PTPRG: variants seen among roughly 807,000 people sequenced by gnomAD.
PTPRG encodes receptor-type tyrosine-protein phosphatase gamma.
Under a neutral mutation model 165.3 loss-of-function variants are expected in PTPRG, and 102 were observed. The ratio of observed to expected loss-of-function variants is 0.62; its 90% confidence interval spans 0.53 to 0.73. The LOEUF (loss-of-function observed/expected upper bound fraction) is 0.73. Ranked by LOEUF, PTPRG falls within the 30% of genes least tolerant of loss-of-function variation. PTPRG has a pLI of 0.00. For missense variants in PTPRG, 1,866 were observed against 1,861.4 expected (o/e 1.00, Z -0.05); for synonymous variants, 675 against 669.5 (o/e 1.01, Z -0.13).
chr3:61,847,757 A>G (rs2036845874), intron 2 of PTPRG, among the ~76,000 whole-genome samples: 1 of 152,226 alleles, frequency 6.6e-6, no homozygotes, highest in South Asian at 2.1e-4. Flanking sequence ...GAAAAAAAAA[A>G]TCTCTGCCTT....
intron 2 of PTPRG, among the ~76,000 whole-genome samples, chr3:61,819,315 C>G (rs2035886518): frequency 6.6e-6 from 1 of 152,138 alleles, no homozygotes; most frequent in Non-Finnish European, 1.5e-5. Context: ...CAGATAACCT[C>G]AAAGCTTGAG....
At chr3:62,021,093 A>G (rs746435190) in intron 4 of PTPRG, among the ~76,000 whole-genome samples, 5 of 151,830 alleles carry the variant, frequency 3.3e-5, no homozygotes, top group Non-Finnish European at 5.9e-5. Flanking sequence ...TTGTTCCCTC[A>G]TCAGTAAAAT....
intron 4 of PTPRG, among the ~76,000 whole-genome samples, chr3:62,066,772 G>C (rs946027912): frequency 6.6e-6 from 1 of 152,198 alleles, no homozygotes; most frequent in Non-Finnish European, 1.5e-5. Flanking sequence ...GGGCGCGGTG[G>C]CTCATGCCTG....
intron 1 of PTPRG, among the ~76,000 whole-genome samples, chr3:61,719,435 G>T (rs543204605): frequency 1.3e-5 from 2 of 152,218 alleles, no homozygotes; most frequent in Admixed American, 1.3e-4. Flanking sequence ...CAGGGGATGT[G>T]CCCCTCCTCT....
At chr3:62,094,563 G>A (rs772688413) in intron 5 of PTPRG, among the ~76,000 whole-genome samples, 1 of 152,050 alleles carries the variant, frequency 6.6e-6, no homozygotes, top group Admixed American at 6.6e-5. Context: ...GGTTGTTGAC[G>A]GTTATTGCCA....
chr3:61,978,233 T>C (rs2040554713), intron 2 of PTPRG, among the ~76,000 whole-genome samples: 1 of 152,220 alleles, frequency 6.6e-6, no homozygotes, highest in South Asian at 2.1e-4. Context: ...GCAAATGTGT[T>C]TTGCTGGTCA....
At chr3:61,590,206 AT>A (rs1700532832) in intron 1 of PTPRG, among the ~76,000 whole-genome samples, 2 of 128,328 alleles carry the variant, frequency 1.6e-5, no homozygotes, top group South Asian at 2.6e-4. Context: ...GTTGGCATTT[AT>A]TTTTTTCTTT....
intron 1 of PTPRG, among the ~76,000 whole-genome samples, chr3:61,592,973 C>T (rs1700610320): frequency 6.6e-6 from 1 of 152,146 alleles, no homozygotes; most frequent in Non-Finnish European, 1.5e-5. Context: ...TAGGTGCTGA[C>T]TGGGCCTAGG....
intron 1 of PTPRG, among the ~76,000 whole-genome samples, chr3:61,685,560 A>T (rs1703597236): frequency 6.6e-6 from 1 of 152,048 alleles, no homozygotes; most frequent in South Asian, 2.1e-4. Flanking sequence ...AGTACCCCTG[A>T]CTCCTTGCAG....
At chr3:61,674,190 A>G (rs542126627) in intron 1 of PTPRG, among the ~76,000 whole-genome samples, 1 of 152,114 alleles carries the variant, frequency 6.6e-6, no homozygotes, top group African/African-American at 2.4e-5. Context: ...TAATAAAAAA[A>G]AAAAAGAAAC....
chr3:62,173,577 C>G (rs1421206716), intron 8 of PTPRG, among the ~76,000 whole-genome samples: 1 of 152,162 alleles, frequency 6.6e-6, no homozygotes. Context: ...ATGGCCATGA[C>G]TGTGAATGTG....
intron 1 of PTPRG, among the ~76,000 whole-genome samples, chr3:61,693,310 T>G (rs1420375977): frequency 2.0e-5 from 3 of 152,200 alleles, no homozygotes. Flanking sequence ...ATATTTTATG[T>G]AAGAGAAAAT....
intron 1 of PTPRG, 98 bp downstream of exon 1, chr3:61,562,470 A>G: frequency 8.5e-7 from 1 of 1,179,302 alleles, no homozygotes; most frequent in Non-Finnish European, 1.2e-6. Context: ...CGTCCGGGAG[A>G]CCCTGGAGAG....
At chr3:62,045,062 AG>A (rs1268455504) in intron 4 of PTPRG, among the ~76,000 whole-genome samples, 4 of 152,170 alleles carry the variant, frequency 2.6e-5, no homozygotes, top group Non-Finnish European at 5.9e-5. Context: ...GTGTGGGGTG[AG>A]GGCAGCCATT....
At chr3:62,100,902 CT>C (rs1450221244) in intron 5 of PTPRG, among the ~76,000 whole-genome samples, 1 of 152,072 alleles carries the variant, frequency 6.6e-6, no homozygotes, top group African/African-American at 2.4e-5. Context: ...AACCACGCTT[CT>C]TTTGTTCTTT....
Position 62,282,757 on chromosome 3 carries a change from C to T in PTPRG, c.3943C>T (p.Gln1315Ter). 1 of 1,612,094 alleles carries T rather than the reference C, an allele frequency of 6.2e-7. No individual in the cohort carries two copies. Among genetic ancestry groups the T allele is most frequent in the East Asian group, 2.2e-5 (1 of 44,832 alleles). ...DDYVLEVRHF[Q>*]CPKWPNPDAP... ...CTATGTCTTAGAAGTTCGGCACTTT[C>T]AGTGTCCCAAATGGCCTAACCCAGA... Residue 1315 changes from glutamine to a stop codon, truncating the protein, a stop_gained, in exon 28 of 30, where the codon CAG becomes TAG. Transcript: ENST00000474889. LOFTEE classifies it high-confidence loss of function.
At chr3:61,909,542 A>G (rs2038748605) in intron 2 of PTPRG, among the ~76,000 whole-genome samples, 1 of 152,104 alleles carries the variant, frequency 6.6e-6, no homozygotes. Context: ...GTAGCAATAC[A>G]GTCTCACTGT....
At chr3:61,657,954 G>A (rs1430742046) in intron 1 of PTPRG, among the ~76,000 whole-genome samples, 1 of 152,066 alleles carries the variant, frequency 6.6e-6, no homozygotes, top group Non-Finnish European at 1.5e-5. Flanking sequence ...TGCTGCTGTG[G>A]GTGACATGAG....
chr3:61,745,051 C>CTTTTTTTTTTTTTTTTTTTTTTT (rs10669472), intron 1 of PTPRG, among the ~76,000 whole-genome samples: 2 of 111,626 alleles, frequency 1.8e-5, no homozygotes, highest in African/African-American at 6.8e-5. Flanking sequence ...CATTCCCTCA[C>CTTTTTTTTTTTTTTTTTTTTTTT]TTTTTTTTTT....
Sources: gnomAD v4.1 joint callset for allele counts (sites outside exome capture counted in the v4.1 genomes callset) on GRCh38, gnomAD v4.1.1 for gene constraint, MANE v1.5 for transcripts, NCBI Gene and HGNC (gene_info 2026-07-23, HGNC 2026-07-21) for gene names.